The following NIBAN1 variants were observed in gnomAD, a reference collection of about 807,000 sequenced individuals.
NIBAN1 encodes protein Niban 1.
A neutral mutation model predicts 75.1 loss-of-function variants in NIBAN1; 81 were observed. That is an observed-to-expected ratio of 1.08 (90% confidence interval 0.90 to 1.30). The LOEUF (loss-of-function observed/expected upper bound fraction) is 1.30, where lower values mean the gene tolerates loss of function less well. NIBAN1 is among the 50% of genes most tolerant of loss of function. The pLI, the probability that NIBAN1 is intolerant of heterozygous loss-of-function variation, is 0.00. For synonymous variants in NIBAN1, 436 were observed against 424.8 expected (o/e 1.03, Z -0.32); for missense variants, 1,133 against 1,128.1 (o/e 1.00, Z -0.06).
rs897078490 is a variant in NIBAN1 at position 184,792,477 on chromosome 1, C to T, written c.*2500G>A. 1 of 152,710 alleles carries T rather than the reference C, an allele frequency of 6.5e-6. No homozygotes were observed. The highest frequency in any genetic ancestry group is 1.5e-5 in the Non-Finnish European group (1 of 68,094). The allele number at this position is 152,710 out of a possible 1,614,324, so 9.5% of individuals were successfully genotyped here. A position where few individuals can be genotyped will look rare whatever the true frequency, so the allele number is the denominator to read the frequency against. On this transcript the variant is annotated 3_prime_UTR_variant, in exon 14 of 14. Transcript: ENST00000367511. ...AGCAAAGAAAGGAAGCTAGGAAGCT[C>T]CGGTGTGAGGTCAGCCTGGGCTGGG... is the stretch of plus-strand genomic sequence containing the variant.
Position 184,795,127 on chromosome 1 carries a change from A to T in NIBAN1, c.2637T>A (p.Asn879Lys), listed in dbSNP as rs760780194. Residue 879 changes from asparagine (N) to lysine (K), a missense_variant, in exon 14 of 14, where the codon AAT becomes AAA. Transcript: ENST00000367511. ...TACGGGCTACCTTGATCTCCTCTGC[A>T]TTCACACTGGCCGTGGCCTGGGCCG... ...SSAAQATASV[N>K]AEEIKVARIH... 6.2e-7 allele frequency: 1 copy of T among 1,614,150 alleles called. No homozygotes were observed. The highest frequency in any genetic ancestry group is 8.5e-7 in the Non-Finnish European group (1 of 1,180,042).
At chr1:184,939,280 C>T (rs1317905747) in intron 1 of NIBAN1, among the ~76,000 whole-genome samples, 1 of 152,172 alleles carries the variant, frequency 6.6e-6, no homozygotes, top group Non-Finnish European at 1.5e-5. Flanking sequence ...GTGACACTTC[C>T]AGGGGGAGTA....
intron 1 of NIBAN1, among the ~76,000 whole-genome samples, chr1:184,908,367 G>A (rs978469296): frequency 6.6e-6 from 1 of 152,156 alleles, no homozygotes; most frequent in African/African-American, 2.4e-5. Context: ...GGTCCCATTG[G>A]CACTGTGCAT....
rs538590239 is a variant in NIBAN1 at position 184,873,156 on chromosome 1, T to A, written c.601+11477A>T. ...GTATCTTTCAAGAATACGAATGAGA[T>A]AAAGACATTTTCTCATGAGAGAATG... On this transcript the variant is annotated intron_variant, in intron 5 of 13. Coordinates refer to ENST00000367511, the MANE Select transcript of NIBAN1 (RefSeq NM_052966.4). 2.6e-5 allele frequency among the ~76,000 whole-genome samples: 4 copies of A among 152,262 alleles called. No individual in the cohort carries two copies. In the South Asian group the frequency reaches 8.3e-4, roughly 32 times the overall value.
rs1309710497 is a variant in NIBAN1, at chr1:184,795,118, C to A, written c.2646G>T (p.Glu882Asp). The change falls in exon 14 of 14, where the codon GAG becomes GAT. Residue 882 changes from glutamate to aspartate, a missense_variant. Coordinates refer to ENST00000367511, the MANE Select transcript of NIBAN1 (RefSeq NM_052966.4). ...AQATASVNAE[E>D]IKVARIHECQ... ...ACTCATGAATACGGGCTACCTTGAT[C>A]TCCTCTGCATTCACACTGGCCGTGG... The A allele has an allele frequency of 6.2e-7, 1 of 1,614,088 alleles. No individual in the cohort carries two copies. The highest frequency in any genetic ancestry group is 8.5e-7 in the Non-Finnish European group (1 of 1,179,984).
chr1:184,908,716 T>G (rs984847030), intron 1 of NIBAN1, among the ~76,000 whole-genome samples: 2 of 152,192 alleles, frequency 1.3e-5, no homozygotes, highest in Non-Finnish European at 2.9e-5. Context: ...GCTTGGAAAT[T>G]TTCAAGATTA....
chr1:184,943,893 C>T (rs77649644), intron 1 of NIBAN1, among the ~76,000 whole-genome samples: 43 of 151,860 alleles, frequency 2.8e-4, no homozygotes, highest in African/African-American at 9.7e-4. Flanking sequence ...AGAGTACAAC[C>T]GAAAGGGAAA....
intron 1 of NIBAN1, among the ~76,000 whole-genome samples, chr1:184,932,530 G>A (rs558462250): frequency 2.6e-5 from 4 of 152,210 alleles, no homozygotes; most frequent in East Asian, 1.9e-4. Context: ...AATGGGGAGC[G>A]GCTGTAAATA....
At chr1:184,831,807 C>A in intron 6 of NIBAN1, 40 bp downstream of exon 6, 1 of 1,456,404 alleles carries the variant, frequency 6.9e-7, no homozygotes, top group South Asian at 1.2e-5. Flanking sequence ...CCCAAATACC[C>A]AAACACAGAG....
chr1:184,823,829 G>T, intron 6 of NIBAN1, 87 bp from the exon 7 acceptor site: 3 of 1,099,860 alleles, frequency 2.7e-6, no homozygotes, highest in Non-Finnish European at 4.1e-6. Context: ...CTGATTGGCT[G>T]TCCCTGTCCC....
At chr1:184,894,828 T>C (rs1011533879) in intron 2 of NIBAN1, among the ~76,000 whole-genome samples, 2 of 152,220 alleles carry the variant, frequency 1.3e-5, no homozygotes, top group Non-Finnish European at 2.9e-5. Flanking sequence ...GAGGATTTCT[T>C]ATTAACTGTG....
chr1:184,967,171 G>A (rs763917721), intron 1 of NIBAN1, among the ~76,000 whole-genome samples: 3 of 151,434 alleles, frequency 2.0e-5, no homozygotes, highest in Non-Finnish European at 4.4e-5. Context: ...TGCATTTGGG[G>A]TTCTGTTAAA....
At chr1:184,805,341 C>A (rs1279453343) in intron 11 of NIBAN1, among the ~76,000 whole-genome samples, 2 of 152,234 alleles carry the variant, frequency 1.3e-5, no homozygotes, top group Admixed American at 1.3e-4. Flanking sequence ...TTTACAGAAT[C>A]AGTTCCTCAT....
chr1:184,813,214 T>A (rs981786935), intron 9 of NIBAN1, among the ~76,000 whole-genome samples: 3 of 152,222 alleles, frequency 2.0e-5, no homozygotes, highest in Admixed American at 1.3e-4. Context: ...TCTGTCTGTC[T>A]ATGTAATTAT....
At chr1:184,933,892 TG>T (rs1258425216) in intron 1 of NIBAN1, among the ~76,000 whole-genome samples, 1 of 152,252 alleles carries the variant, frequency 6.6e-6, no homozygotes, top group Non-Finnish European at 1.5e-5. Flanking sequence ...TGAATGCCAA[TG>T]CTGGTTCACA....
rs1654983750 is a variant in NIBAN1 at position 184,830,975 on chromosome 1, G to A, written c.717+872C>T. Reference sequence around the variant, plus strand: ...AGATTGCGCCACTGTACTCCAGCCTGGGCCACAGAGCGAGACTCCTCTCAA... The same window carrying A: ...AGATTGCGCCACTGTACTCCAGCCTAGGCCACAGAGCGAGACTCCTCTCAA... On this transcript the variant is annotated intron_variant, in intron 6 of 13. Coordinates refer to ENST00000367511, the MANE Select transcript of NIBAN1 (RefSeq NM_052966.4). Among the ~76,000 whole-genome samples the A allele has an allele frequency of 2.0e-5, 3 of 147,040 alleles. No individual in the cohort carries two copies. The South Asian group carries it at 6.6e-4, about 32-fold the overall frequency.
intron 5 of NIBAN1, among the ~76,000 whole-genome samples, chr1:184,880,318 T>C (rs757644191): frequency 6.6e-6 from 1 of 152,240 alleles, no homozygotes; most frequent in Non-Finnish European, 1.5e-5. Context: ...CCACCCACCA[T>C]GCTACCCTCT....
Position 184,901,013 on chromosome 1 carries a change from T to A in NIBAN1, c.56-1704A>T, listed in dbSNP as rs141377914. ...TAAATTTCAAAAATAAGTGAAGAGT[T>A]CTAACTACATAGATTGAGGTACTCA... On this transcript the variant is annotated intron_variant, in intron 1 of 13. Coordinates refer to ENST00000367511, the MANE Select transcript of NIBAN1 (RefSeq NM_052966.4). 9.2e-5 allele frequency among the ~76,000 whole-genome samples: 14 copies of A among 152,274 alleles called. No homozygotes were observed. In the East Asian group the frequency reaches 2.7e-3, roughly 29 times the overall value.
At chr1:184,854,244 T>A (rs1440190334) in intron 5 of NIBAN1, among the ~76,000 whole-genome samples, 1 of 152,086 alleles carries the variant, frequency 6.6e-6, no homozygotes, top group African/African-American at 2.4e-5. Context: ...TGTTGTTTAT[T>A]TGAGTTGGGG....
Sources: gnomAD v4.1 joint callset for allele counts (sites outside exome capture counted in the v4.1 genomes callset) on GRCh38, gnomAD v4.1.1 for gene constraint, MANE v1.5 for transcripts, NCBI Gene and HGNC (gene_info 2026-07-23, HGNC 2026-07-21) for gene names.